The following AGBL1 variants were observed in gnomAD, a reference collection of about 807,000 sequenced individuals.
The protein encoded by AGBL1 is cytosolic carboxypeptidase 4.
AGBL1 carries 130 observed loss-of-function variants against 118.9 expected under a neutral mutation model. The observed-to-expected ratio is 1.09, with a 90% CI of 0.95 to 1.26. AGBL1 has a LOEUF of 1.26. Among genes scored for constraint, AGBL1 ranks in the 50% most tolerant of loss-of-function variants. The pLI is 0.00. For missense variants in AGBL1, 1,584 were observed against 1,298.1 expected (o/e 1.22, Z -3.38); for synonymous variants, 555 against 478.9 (o/e 1.16, Z -2.08).
At chr15:86,691,474 G>A (rs1191739591) in intron 22 of AGBL1, among the ~76,000 whole-genome samples, 1 of 152,034 alleles carries the variant, frequency 6.6e-6, no homozygotes, top group African/African-American at 2.4e-5. Context: ...TTACTGGGAG[G>A]GGAAAATTGG....
chr15:86,477,162 A>G (rs908831402), intron 18 of AGBL1, among the ~76,000 whole-genome samples: 1 of 152,154 alleles, frequency 6.6e-6, no homozygotes, highest in African/African-American at 2.4e-5. Flanking sequence ...TAACATCACA[A>G]TTGAAAGAAC....
At chr15:86,804,106 G>A (rs1007689985) in intron 22 of AGBL1, among the ~76,000 whole-genome samples, 9 of 152,098 alleles carry the variant, frequency 5.9e-5, no homozygotes, top group African/African-American at 1.9e-4. Context: ...AGGGATCATG[G>A]GAAGTGACAG....
At chr15:86,933,209 ACAGG>A (rs2080625735) in intron 23 of AGBL1, among the ~76,000 whole-genome samples, 1 of 152,150 alleles carries the variant, frequency 6.6e-6, no homozygotes, top group African/African-American at 2.4e-5. Flanking sequence ...TTGTAGCCTT[ACAGG>A]CTGGCTGTCC....
Position 86,322,872 on chromosome 15 carries a change from C to T in AGBL1, c.2374+27464C>T, listed in dbSNP as rs62012267. Among the ~76,000 whole-genome samples, 241 of 152,264 alleles carry T rather than the reference C, an allele frequency of 1.6e-3. 1 individual carries two copies. The highest frequency in any genetic ancestry group is 2.8e-3 in the Non-Finnish European group (193 of 68,024). ...AGTGCAGTAATTTTTCTTGCCACTCCCTTTGCAAAAGTGTTTTGTTTCTGG... is the reference window on the plus strand; with the variant it reads ...AGTGCAGTAATTTTTCTTGCCACTCTCTTTGCAAAAGTGTTTTGTTTCTGG... On this transcript the variant is annotated intron_variant, in intron 17 of 22. Transcript: ENST00000614907.
intron 24 of AGBL1, among the ~76,000 whole-genome samples, chr15:87,020,147 G>A (rs905404561): frequency 1.9e-4 from 29 of 152,136 alleles, no homozygotes; most frequent in African/African-American, 4.3e-4. Context: ...AAAAGCCCAG[G>A]ACCAGAAGAA....
intron 23 of AGBL1, among the ~76,000 whole-genome samples, chr15:86,974,456 G>A (rs183874775): frequency 0.013 from 1,338 of 106,166 alleles, 53 homozygotes; most frequent in Middle Eastern, 0.032. Flanking sequence ...TTTATATATT[G>A]AATATAAACA....
At chr15:86,311,517 C>T (rs2141824407) in intron 17 of AGBL1, among the ~76,000 whole-genome samples, 1 of 152,134 alleles carries the variant, frequency 6.6e-6, no homozygotes, top group Non-Finnish European at 1.5e-5. Context: ...TTTTCCTTAG[C>T]AGATAGTAAG....
Position 86,853,413 on chromosome 15 carries a change from A to G in AGBL1, c.3159-53674A>G, listed in dbSNP as rs1266034701. On this transcript the variant is annotated intron_variant, in intron 22 of 22. Coordinates refer to ENST00000614907, the MANE Select transcript of AGBL1 (RefSeq NM_001386094.1). ...TCAGAAATAAATAAAATTAGCTATT[A>G]TTGCTTTAGTGCTAGATCCTCACAG... Among the ~76,000 whole-genome samples the G allele has an allele frequency of 2.0e-5, 3 of 152,312 alleles. 1 individual carries two copies. The highest frequency in any genetic ancestry group is 4.1e-4 in the South Asian group (2 of 4,828).
chr15:86,133,811 C>G (rs1328160374), intron 1 of AGBL1, among the ~76,000 whole-genome samples: 1 of 152,134 alleles, frequency 6.6e-6, no homozygotes, highest in Non-Finnish European at 1.5e-5. Flanking sequence ...TAAGATACTC[C>G]AGTCAGAAAA....
In AGBL1 at chr15:86,923,247, T is replaced by C. The variant is rs1596638445; in HGVS notation, c.3222-64740T>C. 5.9e-5 allele frequency among the ~76,000 whole-genome samples: 9 copies of C among 152,334 alleles called. No individual in the cohort carries two copies. In the South Asian group the frequency reaches 1.7e-3, roughly 28 times the overall value. ...TGGGCTTAGGGCAGATTAAAGTGAA[T>C]TGAAAAGACTGTCTCCTTCAGTTGT... is the stretch of plus-strand genomic sequence containing the variant. On this transcript the variant is annotated intron_variant, in intron 23 of 24. Coordinates refer to the AGBL1 transcript ENST00000441037.
chr15:86,525,195 G>T (rs908196015), intron 19 of AGBL1, among the ~76,000 whole-genome samples: 1 of 151,876 alleles, frequency 6.6e-6, no homozygotes, highest in Non-Finnish European at 1.5e-5. Context: ...AACAAGGAAG[G>T]TAAAAGATCA....
At chr15:86,885,127 T>C (rs76099810) in intron 22 of AGBL1, among the ~76,000 whole-genome samples, 24 of 151,760 alleles carry the variant, frequency 1.6e-4, no homozygotes, top group African/African-American at 4.1e-4. Flanking sequence ...TAACTTTACA[T>C]ACATATACTG....
chr15:86,490,795 A>G (rs1239593329), intron 18 of AGBL1, among the ~76,000 whole-genome samples: 1 of 150,320 alleles, frequency 6.7e-6, no homozygotes, highest in East Asian at 2.0e-4. Context: ...TTAAAACAAC[A>G]TAGACTTAGA....
At chr15:86,593,787 G>A (rs76863746) in intron 21 of AGBL1, among the ~76,000 whole-genome samples, 2,724 of 152,142 alleles carry the variant, frequency 0.018, 65 homozygotes, top group African/African-American at 0.058. Flanking sequence ...TCTAGGGAAC[G>A]ACTAATCTTT....
intron 24 of AGBL1, among the ~76,000 whole-genome samples, chr15:87,011,804 A>G (rs557856677): frequency 1.4e-4 from 22 of 152,336 alleles, no homozygotes; most frequent in Non-Finnish European, 2.5e-4. Flanking sequence ...CTTGTTTAAG[A>G]TAATAAAAGT....
rs539381952 is a variant in AGBL1 at position 86,298,927 on chromosome 15, C to CT, written c.2374+3523dup. On this transcript the variant is annotated intron_variant, in intron 17 of 22. Coordinates refer to ENST00000614907, the MANE Select transcript of AGBL1 (RefSeq NM_001386094.1). ...ATTACTGAGGACAACTTAATGATTA[C>CT]TTTTAGTTCCTCCCAGGGTCTGAGC... Among the ~76,000 whole-genome samples, 447 of 152,120 alleles carry CT rather than the reference C, an allele frequency of 2.9e-3. 1 individual carries two copies. The highest frequency in any genetic ancestry group is 0.01 in the African/African-American group (433 of 41,414).
chr15:86,155,465 G>A (rs533083937), intron 4 of AGBL1, among the ~76,000 whole-genome samples: 12 of 152,146 alleles, frequency 7.9e-5, no homozygotes, highest in Admixed American at 4.6e-4. Context: ...AATAAAAAAA[G>A]TGAAGCGATT....
At chr15:86,117,293 G>A (rs1345599407) in intron 1 of AGBL1, among the ~76,000 whole-genome samples, 5 of 152,060 alleles carry the variant, frequency 3.3e-5, no homozygotes, top group South Asian at 4.1e-4. Flanking sequence ...GGGAGAAACC[G>A]GCAGTCTGCT....
intron 17 of AGBL1, among the ~76,000 whole-genome samples, chr15:86,394,011 A>G (rs1014758749): frequency 6.6e-6 from 1 of 152,194 alleles, no homozygotes; most frequent in African/African-American, 2.4e-5. Context: ...CACCGTAATC[A>G]TAGATTTCTT....
Sources: allele counts gnomAD v4.1 joint callset (sites outside exome capture counted in the v4.1 genomes callset), GRCh38; gene constraint gnomAD v4.1.1; transcripts MANE v1.5; gene names NCBI Gene and HGNC (gene_info 2026-07-23, HGNC 2026-07-21).